Variants in PCM1 observed in about 807,000 individuals in gnomAD.
PCM1 encodes the protein pericentriolar material 1.
PCM1 carries 157 observed loss-of-function variants against 241.9 expected under a neutral mutation model. The ratio of observed to expected loss-of-function variants is 0.65; its 90% CI spans 0.57 to 0.74. PCM1 has a LOEUF of 0.74. Among genes scored for constraint, PCM1 ranks in the 30% least tolerant of loss-of-function variants. The pLI, the probability that PCM1 is intolerant of heterozygous loss-of-function variation, is 0.00. For missense variants in PCM1, 3,478 were observed against 2,360.1 expected, an observed-to-expected ratio of 1.47 and a Z score of -9.81; for synonymous variants, 1,085 against 784.9, an observed-to-expected ratio of 1.38 and a Z score of -6.39.
Position 17,964,612 on chromosome 8 carries a change from A to T in PCM1, c.2699A>T (p.Glu900Val). 6.2e-7 allele frequency: 1 copy of T among 1,613,884 alleles called. No individual in the cohort carries two copies. The highest frequency in any genetic ancestry group is 2.2e-5 in the East Asian group (1 of 44,860). Residue 900 changes from glutamate (E) to valine (V), a missense_variant, in exon 18 of 39, where the codon GAA (glutamate) becomes GTA (valine). By Grantham distance (121) the Glu-to-Val change is moderately radical (BLOSUM62 -2). Transcript: ENST00000325083. ...WGGSTQCALD[E>V]EGDEDGYLSE... ...GGGTCTACCCAGTGTGCACTAGATG[A>T]AGAAGGAGATGAAGACGGTTACCTT...
rs767611895 is a variant in PCM1 at position 17,972,683 on chromosome 8, C to T, written c.3939C>T (p.Asn1313=). ...NSTQLKSRVK[N]IRYESASMSS... is the part of the protein sequence containing the mutation. ...CTCAGCTGAAAAGCAGAGTTAAAAA[C>T]ATCAGTAAGTGTTGAAATTTGTTGA... Residue 1313 remains asparagine (N), a synonymous_variant, in exon 23 of 39, where the codon AAC becomes AAT. Transcript: ENST00000325083. 1.2e-4 allele frequency: 178 copies of T among 1,517,982 alleles called. 1 individual carries two copies. In the South Asian group the frequency reaches 1.6e-3, roughly 13 times the overall value. 94.0% of individuals were successfully genotyped at this position (1,517,982 alleles called of 1,614,324 possible).
chr8:18,026,827 C>T (rs1246936314), intron 38 of PCM1, among the ~76,000 whole-genome samples: 1 of 152,102 alleles, frequency 6.6e-6, no homozygotes, highest in Non-Finnish European at 1.5e-5. Flanking sequence ...CTGCTTTCTT[C>T]CTGGTTCTCT....
Position 17,938,697 on chromosome 8 carries a change from T to C in PCM1, c.343-43T>C, listed in dbSNP as rs750984277. Reference sequence around the variant, plus strand: ...TTGGGGTTAAAACAAAATTTTGTCATAAGGTTAATGTTTGTGTGATTTGAT... The same window carrying C: ...TTGGGGTTAAAACAAAATTTTGTCACAAGGTTAATGTTTGTGTGATTTGAT... On this transcript the variant is annotated intron_variant, in intron 4 of 38. Coordinates refer to ENST00000325083, the MANE Select transcript of PCM1 (RefSeq NM_006197.4). 5 of 1,511,636 alleles carry C rather than the reference T, an allele frequency of 3.3e-6. No homozygotes were observed. In the East Asian group the frequency reaches 9.1e-5, roughly 27 times the overall value. 93.6% of individuals were successfully genotyped at this position (1,511,636 alleles called of 1,614,324 possible).
intron 7 of PCM1, among the ~76,000 whole-genome samples, chr8:17,948,393 C>T (rs1372245343): frequency 6.7e-6 from 1 of 149,400 alleles, no homozygotes; most frequent in East Asian, 2.0e-4. Flanking sequence ...CAACCTCTGC[C>T]TCCCAGGTTC....
At chr8:17,955,740 C>A in intron 10 of PCM1, 87 bp downstream of exon 10, 1 of 996,614 alleles carries the variant, frequency 1.0e-6, no homozygotes, top group South Asian at 1.4e-5. Context: ...TTCTGCAAAA[C>A]GAGATTTATT....
At chr8:17,934,305 A>T (rs1011187293) in intron 2 of PCM1, among the ~76,000 whole-genome samples, 3 of 150,802 alleles carry the variant, frequency 2.0e-5, no homozygotes, top group Non-Finnish European at 4.4e-5. Context: ...CTAGTCACCC[A>T]GGCTGGAGTG....
At chr8:18,006,070 A>G (rs746242003) in intron 29 of PCM1, 193 bp from the exon 30 acceptor site, 2 of 473,376 alleles carry the variant, frequency 4.2e-6, no homozygotes, top group Non-Finnish European at 3.7e-6. Flanking sequence ...AAAATTGCCA[A>G]ACCTCTCAAT....
chr8:17,969,348 TTTAGCTC>T, intron 21 of PCM1: 1 of 396,972 alleles, frequency 2.5e-6, no homozygotes, highest in Non-Finnish European at 4.4e-6. Flanking sequence ...ATTTCTAACT[TTTAGCTC>T]TTAAGGGAGT....
At chr8:17,933,757 T>A (rs2129448188) in intron 2 of PCM1, among the ~76,000 whole-genome samples, 1 of 152,286 alleles carries the variant, frequency 6.6e-6, no homozygotes, top group Non-Finnish European at 1.5e-5. Flanking sequence ...ATACCACCTT[T>A]TCTCTTTTCA....
At chr8:18,018,904 A>ATC (rs71215296) in intron 36 of PCM1, among the ~76,000 whole-genome samples, 1,788 of 122,618 alleles carry the variant, frequency 0.015, 42 homozygotes, top group Non-Finnish European at 0.023. Flanking sequence ...ATACACATAT[A>ATC]TATATATAAA....
chr8:17,944,795 T>C (rs1469572536), intron 6 of PCM1, among the ~76,000 whole-genome samples: 1 of 152,168 alleles, frequency 6.6e-6, no homozygotes, highest in Non-Finnish European at 1.5e-5. Flanking sequence ...GTTGTTTATA[T>C]GAATGTGAAA....
rs751114322 is a variant in PCM1 at position 17,940,053 on chromosome 8, TGAG to T, written c.783+201_783+203del. 15 of 1,570,298 alleles carry T rather than the reference TGAG, an allele frequency of 9.6e-6. No individual in the cohort carries two copies. In the African/African-American group the frequency reaches 1.1e-4, roughly 11 times the overall value. On this transcript the variant is annotated intron_variant, in intron 6 of 38. Coordinates refer to ENST00000325083, the MANE Select transcript of PCM1 (RefSeq NM_006197.4). ...CTAAAATATTTCAGGCTAGAGAAAA[TGAG>T]GAGGAGGATGTTCGGACTATAGATT...
chr8:17,945,206 A>G (rs916158667), intron 6 of PCM1, among the ~76,000 whole-genome samples: 7 of 152,090 alleles, frequency 4.6e-5, no homozygotes, highest in African/African-American at 7.2e-5. Context: ...TTTTTTCCTA[A>G]TGATGTAAAC....
intron 23 of PCM1, among the ~76,000 whole-genome samples, chr8:17,975,806 A>G (rs750357857): frequency 6.6e-6 from 1 of 152,210 alleles, no homozygotes; most frequent in African/African-American, 2.4e-5. Context: ...AGGTCTTTAT[A>G]TATGAAAATA....
intron 29 of PCM1, among the ~76,000 whole-genome samples, chr8:18,002,062 T>A (rs1377471180): frequency 3.2e-5 from 1 of 30,888 alleles, no homozygotes; most frequent in Non-Finnish European, 5.9e-5. Context: ...AATTTTTTTT[T>A]TCTTTTTTTT....
intron 3 of PCM1, 98 bp downstream of exon 3, chr8:17,935,804 C>T (rs1193899336): frequency 3.9e-5 from 25 of 641,338 alleles, no homozygotes; most frequent in Middle Eastern, 2.5e-4. Context: ...TCTTTGTATA[C>T]ACTTGCTGGC....
intron 23 of PCM1, among the ~76,000 whole-genome samples, chr8:17,979,927 A>T (rs2080117680): frequency 6.6e-6 from 1 of 152,194 alleles, no homozygotes; most frequent in Non-Finnish European, 1.5e-5. Flanking sequence ...TAAAAATGGC[A>T]TTGGAATAGC....
At chr8:18,010,972 C>T (rs376155243) in intron 32 of PCM1, among the ~76,000 whole-genome samples, 1 of 151,792 alleles carries the variant, frequency 6.6e-6, no homozygotes, top group Non-Finnish European at 1.5e-5. Context: ...GACTGTGCCT[C>T]AAAAAAATAA....
chr8:18,014,539 C>T (rs1348778276), intron 35 of PCM1, 45 bp from the exon 36 acceptor site: 3 of 1,484,618 alleles, frequency 2.0e-6, no homozygotes, highest in Non-Finnish European at 2.7e-6. Flanking sequence ...TAAAATTTAA[C>T]ATTTTTTGCA....
Sources: gnomAD v4.1 joint callset for allele counts (sites outside exome capture counted in the v4.1 genomes callset) on GRCh38, gnomAD v4.1.1 for gene constraint, MANE v1.5 for transcripts, NCBI Gene and HGNC (gene_info 2026-07-23, HGNC 2026-07-21) for gene names.